ATF7IP2: variants seen among roughly 807,000 people sequenced by gnomAD.
ATF7IP2 encodes activating transcription factor 7 interacting protein 2, also known as activating transcription factor 7-interacting protein 2.
In ATF7IP2, 42 loss-of-function variants were observed where a neutral mutation model predicts 64.2. The ratio of observed to expected loss-of-function variants is 0.65; its 90% CI spans 0.51 to 0.85. The LOEUF (loss-of-function observed/expected upper bound fraction) is 0.85. Ranked by LOEUF, ATF7IP2 falls within the 40% of genes least tolerant of loss-of-function variation. The pLI is 0.00. For missense variants in ATF7IP2, 933 were observed against 784.2 expected, an observed-to-expected ratio of 1.19 and a Z score of -2.27; for synonymous variants, 308 against 272.8, an observed-to-expected ratio of 1.13 and a Z score of -1.27.
chr16:10,425,853 A>G (rs2048075037), intron 3 of ATF7IP2, among the ~76,000 whole-genome samples: 1 of 152,064 alleles, frequency 6.6e-6, no homozygotes, highest in Non-Finnish European at 1.5e-5. Flanking sequence ...AGATCATGCC[A>G]TTGCACCCCA....
At chr16:10,455,430 C>T (rs1050197039) in intron 8 of ATF7IP2, among the ~76,000 whole-genome samples, 2 of 152,166 alleles carry the variant, frequency 1.3e-5, no homozygotes, top group African/African-American at 4.8e-5. Context: ...TTGATTTTAG[C>T]TTAGTAAAAC....
intron 1 of ATF7IP2, among the ~76,000 whole-genome samples, chr16:10,389,319 T>C (rs1468160837): frequency 2.0e-5 from 3 of 152,210 alleles, no homozygotes; most frequent in Non-Finnish European, 4.4e-5. Flanking sequence ...TACGATGAGC[T>C]GTAAGAGACG....
At chr16:10,432,912 C>A (rs552431546) in intron 5 of ATF7IP2, among the ~76,000 whole-genome samples, 2 of 151,952 alleles carry the variant, frequency 1.3e-5, no homozygotes, top group Non-Finnish European at 2.9e-5. Context: ...TATAAAATAA[C>A]GTAGAACCAC....
chr16:10,452,062 A>C (rs994186933), intron 8 of ATF7IP2, among the ~76,000 whole-genome samples: 7 of 152,086 alleles, frequency 4.6e-5, no homozygotes, highest in Admixed American at 2.6e-4. Flanking sequence ...CAAAAAAAAA[A>C]AGTGCTCCTT....
chr16:10,477,035 C>T (rs1272645658), intron 12 of ATF7IP2, among the ~76,000 whole-genome samples: 3 of 151,928 alleles, frequency 2.0e-5, no homozygotes, highest in African/African-American at 7.3e-5. Flanking sequence ...GACTGCTAGG[C>T]CAAATGACAA....
chr16:10,397,373 G>A (rs1289007156), intron 1 of ATF7IP2, among the ~76,000 whole-genome samples: 5 of 152,174 alleles, frequency 3.3e-5, no homozygotes, highest in Non-Finnish European at 5.9e-5. Flanking sequence ...TATGAAAAGC[G>A]TCATTGGAAT....
At chr16:10,428,775 A>C (rs1363853857) in intron 3 of ATF7IP2, 93 bp from the exon 4 acceptor site, 1 of 152,202 alleles carries the variant, frequency 6.6e-6, no homozygotes, top group African/African-American at 2.4e-5. Context: ...GTTCTCATCA[A>C]TTTCCAGTCA....
chr16:10,480,210 C>A (rs777860516), intron 12 of ATF7IP2, among the ~76,000 whole-genome samples: 1 of 152,032 alleles, frequency 6.6e-6, no homozygotes, highest in Non-Finnish European at 1.5e-5. Context: ...TGATCTGGAA[C>A]TCCTGACCTC....
intron 12 of ATF7IP2, among the ~76,000 whole-genome samples, chr16:10,476,133 T>C (rs1336295804): frequency 6.6e-6 from 1 of 152,244 alleles, no homozygotes; most frequent in East Asian, 1.9e-4. Flanking sequence ...GTTCTTAACC[T>C]GTAGATTATA....
chr16:10,471,097 T>C (rs1050503266), intron 9 of ATF7IP2, among the ~76,000 whole-genome samples: 1 of 152,126 alleles, frequency 6.6e-6, no homozygotes, highest in Non-Finnish European at 1.5e-5. Flanking sequence ...CAGGAAAAGA[T>C]GTTCTTTTCA....
At chr16:10,480,746 T>C in intron 12 of ATF7IP2, 133 bp from the exon 13 acceptor site, 1 of 711,900 alleles carries the variant, frequency 1.4e-6, no homozygotes, top group East Asian at 2.6e-5. Context: ...ATTAAAAGTG[T>C]ATCTTCATAA....
At chr16:10,401,163 TTTTA>T (rs945373121) in intron 1 of ATF7IP2, among the ~76,000 whole-genome samples, 11 of 152,234 alleles carry the variant, frequency 7.2e-5, no homozygotes, top group African/African-American at 2.4e-4. Context: ...TATGGTTTAT[TTTTA>T]TTTATTTATT....
At chr16:10,452,419 G>GTAT (rs999136502) in intron 8 of ATF7IP2, among the ~76,000 whole-genome samples, 21 of 152,166 alleles carry the variant, frequency 1.4e-4, no homozygotes, top group Non-Finnish European at 1.5e-5. Context: ...GTTTGCCTGG[G>GTAT]TATCACCAGC....
At chr16:10,406,517 C>T (rs1309649199) in intron 1 of ATF7IP2, among the ~76,000 whole-genome samples, 1 of 152,014 alleles carries the variant, frequency 6.6e-6, no homozygotes. Flanking sequence ...GCAGAAGAAA[C>T]AAAAGATCAA....
At chr16:10,433,287 C>T (rs1345508606) in intron 5 of ATF7IP2, among the ~76,000 whole-genome samples, 1 of 152,120 alleles carries the variant, frequency 6.6e-6, no homozygotes, top group Non-Finnish European at 1.5e-5. Flanking sequence ...GCAATCCTCT[C>T]ACCTCAACCT....
chr16:10,477,050 A>T (rs1358805558), intron 12 of ATF7IP2, among the ~76,000 whole-genome samples: 1 of 152,202 alleles, frequency 6.6e-6, no homozygotes. Flanking sequence ...TGACAATTTT[A>T]TGATGAAATC....
intron 3 of ATF7IP2, among the ~76,000 whole-genome samples, chr16:10,425,646 C>G (rs1250301313): frequency 6.6e-6 from 1 of 152,060 alleles, no homozygotes; most frequent in East Asian, 1.9e-4. Flanking sequence ...GTAATCCCAG[C>G]ACTTTGGGAG....
intron 3 of ATF7IP2, among the ~76,000 whole-genome samples, chr16:10,427,150 G>A (rs1461264076): frequency 6.6e-6 from 1 of 152,094 alleles, no homozygotes; most frequent in Non-Finnish European, 1.5e-5. Flanking sequence ...CACTGCACCT[G>A]GCCGGAATAT....
intron 1 of ATF7IP2, among the ~76,000 whole-genome samples, chr16:10,400,025 A>C (rs563476907): frequency 3.9e-5 from 6 of 152,142 alleles, no homozygotes; most frequent in African/African-American, 1.2e-4. Flanking sequence ...TACACATTTT[A>C]ATTTGTTGAT....
Sources: gnomAD v4.1 joint callset for allele counts (sites outside exome capture counted in the v4.1 genomes callset) on GRCh38, gnomAD v4.1.1 for gene constraint, MANE v1.5 for transcripts, NCBI Gene and HGNC (gene_info 2026-07-23, HGNC 2026-07-21) for gene names.